Variants in LZTFL1 observed in about 807,000 individuals in gnomAD.
The protein encoded by LZTFL1 is leucine zipper transcription factor like 1.
Under a neutral mutation model 45.9 loss-of-function variants are expected in LZTFL1, and 25 were observed. That is an observed-to-expected ratio of 0.54 (90% CI 0.40 to 0.76). The LOEUF (loss-of-function observed/expected upper bound fraction) is 0.76. Among genes scored for constraint, LZTFL1 ranks in the 30% least tolerant of loss-of-function variants. The pLI is 0.00. For synonymous variants in LZTFL1, 93 were observed against 117.4 expected (o/e 0.79, Z 1.35); for missense variants, 277 against 331.1 (o/e 0.84, Z 1.27).
chr3:45,832,932 T>C (rs751566543), intron 5 of LZTFL1, 118 bp downstream of exon 5: 11 of 710,386 alleles, frequency 1.5e-5, no homozygotes, highest in Non-Finnish European at 2.6e-5. Flanking sequence ...GTAAAACTAC[T>C]GCAATGGACT....
intron 2 of LZTFL1, among the ~76,000 whole-genome samples, chr3:45,898,056 C>T (rs2125756295): frequency 6.6e-6 from 1 of 151,618 alleles, no homozygotes; most frequent in South Asian, 2.1e-4. Flanking sequence ...GCAAGTTTAG[C>T]ACTTATTCAT....
upstream of LZTFL1, among the ~76,000 whole-genome samples, chr3:45,845,058 G>A (rs1384661844): frequency 6.6e-6 from 1 of 152,130 alleles, no homozygotes. Context: ...TTAAGAATTG[G>A]TTGTGGGGAA....
chr3:45,846,639 C>T (rs190298109), upstream of LZTFL1, among the ~76,000 whole-genome samples: 56 of 151,944 alleles, frequency 3.7e-4, no homozygotes, highest in Middle Eastern at 3.4e-3. Context: ...AAAGAAAATA[C>T]TAGAAAATCA....
rs527701978 is a variant in LZTFL1, at chr3:45,855,712, G to A, written c.-137-638C>T. On this transcript the variant is annotated intron_variant, in intron 3 of 4. Coordinates refer to the LZTFL1 transcript ENST00000472635. ...ATAAGCAACTTCAGCAAAGTCTCAG[G>A]ATACAAAATCAATGTGCAAAAATCA... Among the ~76,000 whole-genome samples, 82 of 152,188 alleles carry A rather than the reference G, an allele frequency of 5.4e-4. 1 individual carries two copies. Among genetic ancestry groups the A allele is most frequent in the African/African-American group, 1.8e-3 (75 of 41,516 alleles).
At position 45,877,111 on chromosome 3, in the gene LZTFL1, C is replaced by T. The variant is rs188720625; in HGVS notation, c.-214-18095G>A. On this transcript the variant is annotated intron_variant, in intron 2 of 4. Coordinates refer to the LZTFL1 transcript ENST00000472635. ...CCAACTCCTGCAGCCCAAGATATAG[C>T]GAATAAAATCGTGAAACTATTGAAA... is the stretch of plus-strand genomic sequence containing the variant. 5.3e-5 allele frequency among the ~76,000 whole-genome samples: 8 copies of T among 152,012 alleles called. No individual in the cohort carries two copies. The East Asian group carries it at 9.7e-4, about 18-fold the overall frequency.
chr3:45,880,408 A>G (rs769376878), intron 2 of LZTFL1, among the ~76,000 whole-genome samples: 40 of 152,146 alleles, frequency 2.6e-4, no homozygotes, highest in Non-Finnish European at 4.9e-4. Context: ...AAGCTGAGAC[A>G]GGAGAATCAC....
At chr3:45,883,172 TAG>T (rs1701892095) in intron 2 of LZTFL1, among the ~76,000 whole-genome samples, 1 of 152,222 alleles carries the variant, frequency 6.6e-6, no homozygotes, top group African/African-American at 2.4e-5. Flanking sequence ...GTCTACTGAA[TAG>T]AGAGGGAAGT....
At chr3:45,855,112 T>G (rs1701369323) in intron 3 of LZTFL1, 1 of 1,289,140 alleles carries the variant, frequency 7.8e-7, no homozygotes, top group East Asian at 2.5e-5. Flanking sequence ...TTATAAGTTG[T>G]ATCTTAAAAA....
At chr3:45,895,179 G>A in intron 2 of LZTFL1, 1 of 568,646 alleles carries the variant, frequency 1.8e-6, no homozygotes, top group East Asian at 2.9e-5. Flanking sequence ...GGAGACAGAG[G>A]AAAATGTGGT....
chr3:45,901,233 G>T lies in LZTFL1; in HGVS notation c.-215+11887C>A, dbSNP rs1252320878. 6 of 1,614,042 alleles carry T rather than the reference G, an allele frequency of 3.7e-6. No individual in the cohort carries two copies. Among genetic ancestry groups the T allele is most frequent in the Non-Finnish European group, 4.2e-6 (5 of 1,180,024 alleles). ...CAGCGTGGACAGGTACATTGCCATT[G>T]CCCAGGCCATGAGAGCACATACTTG... is the stretch of plus-strand genomic sequence containing the variant. On this transcript the variant is annotated intron_variant, in intron 2 of 4. Coordinates refer to the LZTFL1 transcript ENST00000472635. The surrounding 1 kb of genome is among the most constrained non-coding windows in gnomAD (Gnocchi z 4.3).
In LZTFL1 at chr3:45,892,512, G is replaced by C. The variant is rs56177716; in HGVS notation, c.-215+20608C>G. The stretch of plus-strand genomic sequence containing the variant: ...TTTATAAATGGGAGCTAAATGTTGA[G>C]TACATATGGACACAAAAAAGGGAAT... On this transcript the variant is annotated intron_variant, in intron 2 of 4. Transcript: ENST00000472635. Among the ~76,000 whole-genome samples the C allele has an allele frequency of 7.2e-3, 1,090 of 152,210 alleles. 14 individuals are homozygous for C. Among genetic ancestry groups the C allele is most frequent in the Middle Eastern group, 0.037 (11 of 294 alleles).
intron 2 of LZTFL1, among the ~76,000 whole-genome samples, chr3:45,864,781 G>A (rs769872953): frequency 4.6e-5 from 7 of 152,084 alleles, no homozygotes; most frequent in Non-Finnish European, 8.8e-5. Context: ...CTGCATTATT[G>A]TCTGTTTTAA....
intron 4 of LZTFL1, 115 bp from the exon 5 acceptor site, chr3:45,833,236 T>C (rs771427404): frequency 1.7e-5 from 12 of 716,654 alleles, no homozygotes; most frequent in Non-Finnish European, 2.7e-5. Context: ...TTCACTGCGA[T>C]GTCAGTTCCA....
chr3:45,881,341 G>C, intron 2 of LZTFL1, among the ~76,000 whole-genome samples: 1 of 152,112 alleles, frequency 6.6e-6, no homozygotes, highest in East Asian at 1.9e-4. Context: ...CCACACACTT[G>C]CTCAGTTAAA....
rs1444950266 is a variant in LZTFL1, at chr3:45,825,644, A to C, written c.*670T>G. 6.6e-6 allele frequency: 1 copy of C among 152,200 alleles called. No individual in the cohort carries two copies. Among genetic ancestry groups the C allele is most frequent in the Admixed American group, 6.5e-5 (1 of 15,274 alleles). The allele number at this position is 152,200 out of a possible 1,614,324, so 9.4% of individuals were successfully genotyped here. ...ACTTATCCATTAGTAATACAGACTC[A>C]TGAAAAGTTATGCTGCAAAAAATGC... On this transcript the variant is annotated 3_prime_UTR_variant, in exon 10 of 10. Coordinates refer to ENST00000296135, the MANE Select transcript of LZTFL1 (RefSeq NM_020347.4).
At chr3:45,831,175 A>C in intron 5 of LZTFL1, 37 bp from the exon 6 acceptor site, 1 of 1,088,310 alleles carries the variant, frequency 9.2e-7, no homozygotes. Flanking sequence ...ATATTAACCA[A>C]AATATTTTAA....
Position 45,831,079 on chromosome 3 carries a change from T to G in LZTFL1, c.516A>C (p.Glu172Asp). The G allele has an allele frequency of 6.2e-7, 1 of 1,609,356 alleles. No individual in the cohort carries two copies. Among genetic ancestry groups the G allele is most frequent in the Non-Finnish European group, 8.5e-7 (1 of 1,177,612 alleles). ...CAAAACATTTCTCAGTTACCTGTAT[T>G]TCAATGGTCTTCAACCTTGACTTCA... ...EKLKSRLKTI[E>D]IQATNALDEK... Residue 172 changes from glutamate (E) to aspartate (D), a missense_variant, in exon 6 of 10, where the codon GAA becomes GAC. Coordinates refer to ENST00000296135, the MANE Select transcript of LZTFL1 (RefSeq NM_020347.4).
At chr3:45,876,657 G>C (rs564453844) in intron 2 of LZTFL1, among the ~76,000 whole-genome samples, 1 of 152,254 alleles carries the variant, frequency 6.6e-6, no homozygotes, top group Non-Finnish European at 1.5e-5. Context: ...TCCCTTGAAG[G>C]GGGTAGTATC....
In LZTFL1 at chr3:45,878,762, A is replaced by G. The variant is rs1185516425; in HGVS notation, c.-214-19746T>C. Among the ~76,000 whole-genome samples the G allele has an allele frequency of 2.0e-5, 3 of 152,306 alleles. No individual in the cohort carries two copies. In the East Asian group the frequency reaches 5.8e-4, roughly 29 times the overall value. ...CAATAAGAAAATAAGCAACCCAATT[A>G]AAAAACAGGCAAAAGACCTAAAGAG... On this transcript the variant is annotated intron_variant, in intron 2 of 4. Transcript: ENST00000472635.
Sources: gnomAD v4.1 joint callset for allele counts (sites outside exome capture counted in the v4.1 genomes callset) on GRCh38, gnomAD v4.1.1 for gene constraint, Gnocchi (gnomAD v3.1) non-coding constraint, MANE v1.5 for transcripts, NCBI Gene and HGNC (gene_info 2026-07-23, HGNC 2026-07-21) for gene names.